Variants in HEATR5A observed in about 807,000 individuals in gnomAD.
HEATR5A encodes the protein HEAT repeat-containing protein 5A.
In HEATR5A, 178 loss-of-function variants were observed where a neutral mutation model predicts 218.8. The observed-to-expected ratio is 0.81, with a 90% CI of 0.72 to 0.92. The LOEUF is 0.92. Among genes scored for constraint, HEATR5A ranks in the 40% least tolerant of loss-of-function variants. The probability of loss-of-function intolerance (pLI) is 0.00; values close to 1 mark genes in which losing one functional copy is unlikely to be tolerated. For synonymous variants in HEATR5A, 864 were observed against 871.6 expected, an observed-to-expected ratio of 0.99 and a Z score of 0.15; for missense variants, 2,420 against 2,418.9, an observed-to-expected ratio of 1.00 and a Z score of -0.01.
In HEATR5A at chr14:31,347,773, T is replaced by C. The variant is rs776338648; in HGVS notation, c.2843A>G (p.Gln948Arg). 3.0e-5 allele frequency: 48 copies of C among 1,607,522 alleles called. No individual in the cohort carries two copies. Among genetic ancestry groups the C allele is most frequent in the Non-Finnish European group, 4.0e-5 (47 of 1,177,782 alleles). Reference protein sequence around the residue: ...SCIGILYTLAQDSTSPDVQTW... With the variant: ...SCIGILYTLARDSTSPDVQTW... Reference sequence around the variant, plus strand: ...CTGCACATCAGGAGAAGTGCTGTCCTGCGCCAAAGTATAAAGGATTCCAAT... The same window carrying C: ...CTGCACATCAGGAGAAGTGCTGTCCCGCGCCAAAGTATAAAGGATTCCAAT... Residue 948 changes from glutamine (Q) to arginine (R), a missense_variant, in exon 19 of 36, where the codon CAG becomes CGG. Physicochemically the swap from Gln to Arg is conservative, Grantham distance 43 (BLOSUM62 1). Transcript: ENST00000543095.
At chr14:31,347,559 C>T (rs1206735749) in intron 19 of HEATR5A, among the ~76,000 whole-genome samples, 189 bp downstream of exon 19, 1 of 152,198 alleles carries the variant, frequency 6.6e-6, no homozygotes, top group Admixed American at 6.5e-5. Flanking sequence ...GAAAAACACA[C>T]TGAAATTGAC....
At position 31,395,347 on chromosome 14, in the gene HEATR5A, G is replaced by A. The variant is rs1320784066; in HGVS notation, c.449C>T (p.Ser150Phe). 1 of 1,491,178 alleles carries A rather than the reference G, an allele frequency of 6.7e-7. No individual in the cohort carries two copies. The highest frequency in any genetic ancestry group is 8.9e-7 in the Non-Finnish European group (1 of 1,120,022). 92.4% of individuals were successfully genotyped at this position (1,491,178 alleles called of 1,614,324 possible). ...TAGCATAATCTCATATCGGCCTTGA[G>A]ACTTCCAAAAAGAAAAAAAATTAAA... ...NILKAMKSAE[S>F]QGRYEIMLSL... Residue 150 changes from serine to phenylalanine, a missense_variant and splice_region_variant, in exon 5 of 36, where the codon TCT becomes TTT. Transcript: ENST00000543095.
intron 23 of HEATR5A, chr14:31,325,826 G>C (rs766856173): frequency 8.3e-5 from 20 of 240,988 alleles, no homozygotes; most frequent in Non-Finnish European, 1.4e-4. Context: ...TCAAATATTT[G>C]TTGTATGTAT....
intron 32 of HEATR5A, 89 bp downstream of exon 32, chr14:31,304,816 A>G: frequency 7.5e-7 from 1 of 1,339,656 alleles, no homozygotes; most frequent in Admixed American, 2.6e-5. Flanking sequence ...CATTCATTTA[A>G]AAAGAAAAAG....
At chr14:31,373,215 A>G (rs114434107) in intron 12 of HEATR5A, among the ~76,000 whole-genome samples, 1,926 of 152,094 alleles carry the variant, frequency 0.013, 25 homozygotes, top group African/African-American at 0.038. Flanking sequence ...GCCTGGCCAA[A>G]ATCAATTTCA....
Position 31,400,638 on chromosome 14 carries a change from C to T in HEATR5A, c.127-126G>A, listed in dbSNP as rs2139304849. On this transcript the variant is annotated intron_variant, in intron 2 of 35. Transcript: ENST00000543095. The stretch of plus-strand genomic sequence containing the variant: ...CTAGAAAAATACAAACTTACTTTGA[C>T]TGGAAGTTACAAATAAGTTGGTAGT... 4.7e-6 allele frequency: 3 copies of T among 643,842 alleles called. No individual in the cohort carries two copies. In the East Asian group the frequency reaches 8.4e-5, roughly 18 times the overall value. The allele number at this position is 643,842 out of a possible 1,614,324, so 39.9% of individuals were successfully genotyped here.
intron 4 of HEATR5A, among the ~76,000 whole-genome samples, chr14:31,397,119 A>C (rs1428228075): frequency 7.9e-5 from 12 of 152,198 alleles, no homozygotes; most frequent in Admixed American, 7.9e-4. Flanking sequence ...CATCAGTTTT[A>C]CGTTAGAGTC....
intron 12 of HEATR5A, among the ~76,000 whole-genome samples, chr14:31,373,715 T>C (rs977990428): frequency 6.6e-6 from 1 of 152,094 alleles, no homozygotes; most frequent in African/African-American, 2.4e-5. Context: ...AATGTGAACT[T>C]CAAGGGTCTC....
In HEATR5A at chr14:31,359,032, C is replaced by G. The variant is rs369190408; in HGVS notation, c.2097G>C (p.Glu699Asp). 1.4e-4 allele frequency: 225 copies of G among 1,590,260 alleles called. No homozygotes were observed. The highest frequency in any genetic ancestry group is 1.9e-4 in the Non-Finnish European group (221 of 1,174,660). ...YEGNLCAILRELAADLTAPDI... is the reference protein window; with the variant it reads ...YEGNLCAILRDLAADLTAPDI... Reference sequence around the variant, plus strand: ...CAGGGGCAGTCAAGTCAGCAGCCAGCTCTCTGAGGATAGCACAGAGGTTTC... The same window carrying G: ...CAGGGGCAGTCAAGTCAGCAGCCAGGTCTCTGAGGATAGCACAGAGGTTTC... Residue 699 changes from glutamate to aspartate, a missense_variant, in exon 15 of 36, where the codon GAG (glutamate) becomes GAC (aspartate). By Grantham distance (45) the Glu-to-Asp change is conservative. Transcript: ENST00000543095.
At chr14:31,410,917 A>G (rs1424723056) in intron 1 of HEATR5A, among the ~76,000 whole-genome samples, 1 of 152,196 alleles carries the variant, frequency 6.6e-6, no homozygotes, top group Admixed American at 6.5e-5. Flanking sequence ...AATTCTCTAT[A>G]ACAACCCTAC....
intron 1 of HEATR5A, among the ~76,000 whole-genome samples, chr14:31,419,221 C>G (rs2031558421): frequency 6.6e-6 from 1 of 152,010 alleles, no homozygotes; most frequent in Non-Finnish European, 1.5e-5. Context: ...CAAATCCATA[C>G]TACAGTATTC....
chr14:31,398,510 C>T (rs990672713), intron 4 of HEATR5A, among the ~76,000 whole-genome samples, 163 bp downstream of exon 4: 1 of 152,170 alleles, frequency 6.6e-6, no homozygotes, highest in African/African-American at 2.4e-5. Context: ...ATTCAATATA[C>T]AGAGTACATA....
At chr14:31,367,502 C>A (rs1280012135) in intron 13 of HEATR5A, among the ~76,000 whole-genome samples, 1 of 149,500 alleles carries the variant, frequency 6.7e-6, no homozygotes, top group Non-Finnish European at 1.5e-5. Context: ...TCGTTTCAGA[C>A]TATTCTCCTG....
At chr14:31,391,619 T>C (rs1320037002) in intron 6 of HEATR5A, among the ~76,000 whole-genome samples, 2 of 152,198 alleles carry the variant, frequency 1.3e-5, no homozygotes, top group African/African-American at 2.4e-5. Flanking sequence ...TATACAGTAA[T>C]ATCCTAGGCT....
At chr14:31,418,163 C>T (rs1367423092) in intron 1 of HEATR5A, among the ~76,000 whole-genome samples, 1 of 151,282 alleles carries the variant, frequency 6.6e-6, no homozygotes, top group Non-Finnish European at 1.5e-5. Context: ...GAGCCAAGAT[C>T]GCGCCACTGC....
intron 1 of HEATR5A, among the ~76,000 whole-genome samples, chr14:31,413,003 GT>G (rs1222072714): frequency 2.6e-5 from 4 of 152,010 alleles, no homozygotes; most frequent in African/African-American, 9.7e-5. Context: ...AATTCCCACA[GT>G]CAAATGAATC....
chr14:31,391,640 C>T (rs2030458489), intron 6 of HEATR5A, among the ~76,000 whole-genome samples: 1 of 152,178 alleles, frequency 6.6e-6, no homozygotes, highest in South Asian at 2.1e-4. Flanking sequence ...TTCACATTCA[C>T]TCGCCACTCG....
intron 10 of HEATR5A, 24 bp downstream of exon 10, chr14:31,383,497 A>G: frequency 6.3e-7 from 1 of 1,592,896 alleles, no homozygotes; most frequent in East Asian, 2.2e-5. Context: ...CCTCATTATC[A>G]TACATAGAGA....
chr14:31,345,412 A>C (rs778634698), intron 19 of HEATR5A, 136 bp from the exon 20 acceptor site: 3 of 662,292 alleles, frequency 4.5e-6, no homozygotes, highest in Non-Finnish European at 7.5e-6. Context: ...TGGAAAGAGA[A>C]ATGGAGGACT....
Sources: gnomAD v4.1 joint callset for allele counts (sites outside exome capture counted in the v4.1 genomes callset) on GRCh38, gnomAD v4.1.1 for gene constraint, MANE v1.5 for transcripts, NCBI Gene and HGNC (gene_info 2026-07-23, HGNC 2026-07-21) for gene names.